ZFHX3: variants seen among roughly 807,000 people sequenced by gnomAD.
The protein encoded by ZFHX3 is zinc finger homeobox 3.
Under a neutral mutation model 279.1 loss-of-function variants are expected in ZFHX3, and 42 were observed. The ratio of observed to expected loss-of-function variants is 0.15; its 90% CI spans 0.12 to 0.19. The LOEUF (loss-of-function observed/expected upper bound fraction) is 0.19. Among genes scored for constraint, ZFHX3 ranks in the 10% least tolerant of loss-of-function variants. The probability of loss-of-function intolerance (pLI) is 1.00; values close to 1 mark genes in which losing one functional copy is unlikely to be tolerated. For missense variants in ZFHX3, 4,981 were observed against 4,754.0 expected, an observed-to-expected ratio of 1.05 and a Z score of -1.40; for synonymous variants, 2,293 against 1,957.8, an observed-to-expected ratio of 1.17 and a Z score of -4.52.
intron 1 of ZFHX3, among the ~76,000 whole-genome samples, chr16:73,842,831 C>T (rs1044388080): frequency 5.3e-5 from 8 of 152,128 alleles, no homozygotes; most frequent in Non-Finnish European, 4.4e-5. Flanking sequence ...TGCCCCCTCC[C>T]CACCCACCGC....
intron 2 of ZFHX3, among the ~76,000 whole-genome samples, chr16:73,647,027 T>C (rs373908228): frequency 1.4e-5 from 2 of 140,326 alleles, no homozygotes; most frequent in African/African-American, 2.6e-5. Context: ...TTTTTTTCTT[T>C]TTTTTTTTTT....
chr16:73,205,001 C>T (rs1351060029), intron 5 of ZFHX3, among the ~76,000 whole-genome samples: 1 of 152,072 alleles, frequency 6.6e-6, no homozygotes, highest in Non-Finnish European at 1.5e-5. Context: ...TTTTATGACC[C>T]CAGGAAGGTG....
chr16:72,875,956 G>C (rs1001823673), intron 4 of ZFHX3, among the ~76,000 whole-genome samples: 6 of 152,120 alleles, frequency 3.9e-5, no homozygotes, highest in African/African-American at 1.4e-4. Flanking sequence ...GGTGATTTTT[G>C]ACAATTGAAT....
At chr16:73,678,128 A>G (rs2052973121) in intron 2 of ZFHX3, among the ~76,000 whole-genome samples, 2 of 152,194 alleles carry the variant, frequency 1.3e-5, no homozygotes, top group South Asian at 2.1e-4. Context: ...CATAAACATT[A>G]CAGTAGTGAT....
At position 73,406,016 on chromosome 16, in the gene ZFHX3, C is replaced by T. The variant is rs549289810; in HGVS notation, c.-1291+49987G>A. 1.1e-4 allele frequency among the ~76,000 whole-genome samples: 17 copies of T among 152,340 alleles called. No homozygotes were observed. The South Asian group carries it at 3.3e-3, about 30-fold the overall frequency. ...TTCCAAGCAGCATCAGCGTAGATGC[C>T]CGTAGGGGCACACGCCGGGTAGAGG... On this transcript the variant is annotated intron_variant, in intron 3 of 17. Transcript: ENST00000641206.
intron 3 of ZFHX3, among the ~76,000 whole-genome samples, chr16:72,898,685 G>A (rs942245968): frequency 2.0e-5 from 3 of 151,516 alleles, no homozygotes; most frequent in African/African-American, 7.3e-5. Context: ...TTTATACATG[G>A]GGAGGAAATT....
intron 7 of ZFHX3, among the ~76,000 whole-genome samples, chr16:73,118,433 T>C (rs1451169908): frequency 6.6e-6 from 1 of 152,088 alleles, no homozygotes; most frequent in Admixed American, 6.6e-5. Flanking sequence ...GGTCTTGAAC[T>C]TTTCACCTCA....
At chr16:73,355,896 A>G (rs1374340628) in intron 3 of ZFHX3, among the ~76,000 whole-genome samples, 1 of 151,896 alleles carries the variant, frequency 6.6e-6, no homozygotes, top group Non-Finnish European at 1.5e-5. Context: ...CCTTTCTTTT[A>G]CTCAGGGTCA....
chr16:73,873,987 A>G (rs2029880436), intron 1 of ZFHX3, among the ~76,000 whole-genome samples: 1 of 152,172 alleles, frequency 6.6e-6, no homozygotes, highest in Non-Finnish European at 1.5e-5. Flanking sequence ...GAAAAAAAAA[A>G]GAAACAAAGG....
At chr16:73,255,810 T>C (rs34540674) in intron 5 of ZFHX3, among the ~76,000 whole-genome samples, 15,460 of 152,250 alleles carry the variant, frequency 0.1, 1,270 homozygotes, top group East Asian at 0.47. Context: ...TACTGGCTAC[T>C]GAACTGGATA....
chr16:73,495,278 T>C (rs1396164553), intron 2 of ZFHX3, among the ~76,000 whole-genome samples: 1 of 151,760 alleles, frequency 6.6e-6, no homozygotes, highest in Non-Finnish European at 1.5e-5. Context: ...AGGAAGATGC[T>C]CTGTATCGGA....
intron 3 of ZFHX3, among the ~76,000 whole-genome samples, chr16:72,907,644 C>T (rs2039216425): frequency 6.8e-6 from 1 of 147,798 alleles, no homozygotes; most frequent in African/African-American, 2.5e-5. Context: ...AGGCCACTTC[C>T]TCCTGTGTAC....
At chr16:73,503,320 G>T (rs927693569) in intron 2 of ZFHX3, among the ~76,000 whole-genome samples, 2 of 152,226 alleles carry the variant, frequency 1.3e-5, no homozygotes, top group Non-Finnish European at 2.9e-5. Context: ...TCAGGTATCT[G>T]TCTCCGAGGA....
chr16:72,797,206 C>T lies in ZFHX3; in HGVS notation c.5476G>A (p.Gly1826Arg), dbSNP rs200091224. The T allele has an allele frequency of 6.2e-7, 1 of 1,614,062 alleles. No homozygotes were observed. Among genetic ancestry groups the T allele is most frequent in the East Asian group, 2.2e-5 (1 of 44,858 alleles). ...TCTTCCAGCAGGCCTGGGCCTGTCC[C>T]AGTCAGTGTCAGTGCCCCACTGGTC... ...PVTSGALTLT[G>R]TGPGLLEDLK... Residue 1826 changes from glycine (G) to arginine (R), a missense_variant, in exon 9 of 10, where the codon GGG (glycine) becomes AGG (arginine). Physicochemically the swap from Gly to Arg is moderately radical, Grantham distance 125. This residue lies in a region of ZFHX3 where 1,751 missense variants were observed against 1,770.0 expected (regional missense o/e 0.99). Transcript: ENST00000268489.
intron 3 of ZFHX3, among the ~76,000 whole-genome samples, chr16:72,926,564 G>T (rs1288117051): frequency 1.3e-5 from 2 of 152,098 alleles, no homozygotes; most frequent in Non-Finnish European, 2.9e-5. Flanking sequence ...CTTCCTTTTC[G>T]GAGTATGGAT....
chr16:73,228,122 G>C (rs1002720704), intron 5 of ZFHX3, among the ~76,000 whole-genome samples: 1 of 152,112 alleles, frequency 6.6e-6, no homozygotes, highest in African/African-American at 2.4e-5. Context: ...TCCTATACAA[G>C]TACTTAGCCA....
intron 2 of ZFHX3, among the ~76,000 whole-genome samples, chr16:73,462,967 A>C (rs116552462): frequency 0.011 from 1,623 of 152,264 alleles, 25 homozygotes; most frequent in African/African-American, 0.037. Context: ...ATGATATTGA[A>C]ATTGTGTAGA....
chr16:73,842,641 C>G (rs1390119946), intron 1 of ZFHX3, among the ~76,000 whole-genome samples: 2 of 152,266 alleles, frequency 1.3e-5, no homozygotes, highest in East Asian at 3.9e-4. Context: ...ACAGCCAAGG[C>G]TCCATGCTAC....
At chr16:73,421,991 C>T (rs2017727165) in intron 3 of ZFHX3, among the ~76,000 whole-genome samples, 1 of 152,160 alleles carries the variant, frequency 6.6e-6, no homozygotes. Flanking sequence ...TACAATAAGA[C>T]CTGGCACCTG....
Sources: gnomAD v4.1 joint callset for allele counts (sites outside exome capture counted in the v4.1 genomes callset) on GRCh38, gnomAD v4.1.1 for gene constraint, gnomAD v4.1.1 regional missense constraint, MANE v1.5 for transcripts, NCBI Gene and HGNC (gene_info 2026-07-23, HGNC 2026-07-21) for gene names.